The following CA10 variants were observed in gnomAD, a reference collection of about 807,000 sequenced individuals.
CA10 encodes carbonic anhydrase-related protein 10.
CA10 carries 14 observed loss-of-function variants against 44.2 expected under a neutral mutation model. The observed-to-expected ratio is 0.32, with a 90% CI of 0.21 to 0.50. The LOEUF is 0.50. CA10 is among the 20% of genes least tolerant of loss of function. CA10 has a pLI of 0.99. For missense variants in CA10, 350 were observed against 409.7 expected (o/e 0.85, Z 1.26); for synonymous variants, 159 against 141.6 (o/e 1.12, Z -0.87).
intron 3 of CA10, among the ~76,000 whole-genome samples, chr17:51,864,251 C>T (rs1009268630): frequency 6.6e-6 from 1 of 151,788 alleles, no homozygotes; most frequent in African/African-American, 2.4e-5. Context: ...AAAGGAAAGC[C>T]AATTTTTTTT....
chr17:52,090,891 C>T (rs1170445193), intron 1 of CA10, among the ~76,000 whole-genome samples: 3 of 152,028 alleles, frequency 2.0e-5, no homozygotes, highest in Non-Finnish European at 4.4e-5. Flanking sequence ...TAAGTGGATA[C>T]CCCAGGGAAG....
intron 3 of CA10, among the ~76,000 whole-genome samples, chr17:51,893,276 T>C (rs1980937268): frequency 6.6e-6 from 1 of 152,036 alleles, no homozygotes; most frequent in Non-Finnish European, 1.5e-5. Flanking sequence ...GTTGGAAAAA[T>C]CCACGCTCTA....
intron 4 of CA10, among the ~76,000 whole-genome samples, chr17:51,724,451 T>C (rs564474986): frequency 1.3e-5 from 2 of 152,308 alleles, no homozygotes; most frequent in East Asian, 3.9e-4. Context: ...TGGGCTAGAA[T>C]TTCCATGCTT....
chr17:52,143,224 A>G (rs77396849), intron 1 of CA10, among the ~76,000 whole-genome samples: 12,157 of 152,176 alleles, frequency 0.08, 709 homozygotes, highest in African/African-American at 0.16. Flanking sequence ...AATTATTTTC[A>G]CATTATTTGG....
At chr17:52,129,159 C>A (rs887756397) in intron 1 of CA10, among the ~76,000 whole-genome samples, 2 of 152,158 alleles carry the variant, frequency 1.3e-5, no homozygotes, top group African/African-American at 4.8e-5. Flanking sequence ...TTGCCTTCCT[C>A]AACTGTCCCC....
intron 4 of CA10, among the ~76,000 whole-genome samples, chr17:51,726,571 C>T (rs972571985): frequency 4.6e-5 from 7 of 152,142 alleles, no homozygotes; most frequent in African/African-American, 1.7e-4. Context: ...TTTAAATTTG[C>T]CAGTTGAAAA....
intron 2 of CA10, among the ~76,000 whole-genome samples, chr17:52,024,045 C>T (rs564240844): frequency 3.9e-5 from 6 of 152,164 alleles, no homozygotes; most frequent in South Asian, 4.1e-4. Context: ...ATTATCTCAG[C>T]GAACATGACT....
chr17:51,816,368 A>C (rs1907564736), intron 3 of CA10, among the ~76,000 whole-genome samples: 1 of 152,186 alleles, frequency 6.6e-6, no homozygotes, highest in Non-Finnish European at 1.5e-5. Context: ...ACAGTGCTGC[A>C]ATAGATATGG....
At chr17:51,968,036 A>AC (rs1984145292) in intron 2 of CA10, among the ~76,000 whole-genome samples, 1 of 151,746 alleles carries the variant, frequency 6.6e-6, no homozygotes, top group Admixed American at 6.6e-5. Flanking sequence ...TCCAGTTGAG[A>AC]ACAGAGAGGA....
At chr17:51,733,059 C>T (rs527921733) in intron 4 of CA10, among the ~76,000 whole-genome samples, 7 of 152,114 alleles carry the variant, frequency 4.6e-5, no homozygotes, top group Non-Finnish European at 1.0e-4. Flanking sequence ...CATTTGAGTG[C>T]GTTTCTGTTA....
intron 3 of CA10, among the ~76,000 whole-genome samples, chr17:51,822,554 T>C (rs938021272): frequency 6.6e-6 from 1 of 152,240 alleles, no homozygotes; most frequent in Admixed American, 6.5e-5. Flanking sequence ...TCTGGACATA[T>C]ATAAATTGTT....
At chr17:51,952,938 G>A (rs1436712311) in intron 2 of CA10, among the ~76,000 whole-genome samples, 2 of 152,070 alleles carry the variant, frequency 1.3e-5, no homozygotes, top group Non-Finnish European at 2.9e-5. Flanking sequence ...GCTTTGTGGA[G>A]GTCATTCAAA....
chr17:51,898,686 TG>T (rs1981179864), intron 3 of CA10, among the ~76,000 whole-genome samples: 1 of 152,146 alleles, frequency 6.6e-6, no homozygotes, highest in Non-Finnish European at 1.5e-5. Flanking sequence ...TCCTGGGCTT[TG>T]TCTGGTTGAT....
intron 1 of CA10, among the ~76,000 whole-genome samples, chr17:52,103,466 C>A (rs1203803207): frequency 6.6e-6 from 1 of 152,214 alleles, no homozygotes; most frequent in African/African-American, 2.4e-5. Flanking sequence ...TGCTCCCCCA[C>A]AGGGAGCTGG....
intron 3 of CA10, 123 bp from the exon 4 acceptor site, chr17:51,747,941 A>G (rs1352383190): frequency 5.7e-6 from 4 of 700,658 alleles, no homozygotes; most frequent in Middle Eastern, 2.6e-4. Flanking sequence ...CTAAATCCAC[A>G]TGTGGAGTAG....
At chr17:51,902,305 T>G (rs1486323268) in intron 3 of CA10, among the ~76,000 whole-genome samples, 1 of 152,144 alleles carries the variant, frequency 6.6e-6, no homozygotes, top group African/African-American at 2.4e-5. Flanking sequence ...GAAACATGGT[T>G]ATAGATTGCT....
Position 51,653,512 on chromosome 17 carries a change from A to C in CA10, c.561+129T>G, listed in dbSNP as rs980266336. ...CATAAATCTCATGTATATAAAAGGC[A>C]CCATCCCATAGTTTTCTTAGGCATG... is the stretch of plus-strand genomic sequence containing the variant. On this transcript the variant is annotated intron_variant, in intron 5 of 8. Coordinates refer to ENST00000451037, the MANE Select transcript of CA10 (RefSeq NM_020178.5). The C allele has an allele frequency of 2.9e-5, 19 of 644,502 alleles. No homozygotes were observed. In the African/African-American group the frequency reaches 3.5e-4, roughly 12 times the overall value. 39.9% of individuals were successfully genotyped at this position (644,502 alleles called of 1,614,324 possible). A position where few individuals can be genotyped will look rare whatever the true frequency, so the allele number is the denominator to read the frequency against.
At chr17:51,766,702 G>T in intron 3 of CA10, among the ~76,000 whole-genome samples, 1 of 152,152 alleles carries the variant, frequency 6.6e-6, no homozygotes, top group East Asian at 1.9e-4. Context: ...ACAGAATCAG[G>T]ATTCTTTCCC....
intron 4 of CA10, among the ~76,000 whole-genome samples, chr17:51,731,535 A>T (rs973387553): frequency 9.3e-5 from 14 of 151,234 alleles, no homozygotes; most frequent in African/African-American, 3.4e-4. Context: ...TGGTGGGGGG[A>T]GTCCTTGTTT....
Sources: allele counts gnomAD v4.1 joint callset (sites outside exome capture counted in the v4.1 genomes callset), GRCh38; gene constraint gnomAD v4.1.1; transcripts MANE v1.5; gene names NCBI Gene and HGNC (gene_info 2026-07-23, HGNC 2026-07-21).